The following DHRS7B variants were observed in gnomAD, a reference collection of about 807,000 sequenced individuals.
DHRS7B encodes dehydrogenase/reductase 7B.
In DHRS7B, 24 loss-of-function variants were observed where a neutral mutation model predicts 26.4. The observed-to-expected ratio is 0.91, with a 90% CI of 0.66 to 1.28. The LOEUF (loss-of-function observed/expected upper bound fraction) is 1.28. Ranked by LOEUF, DHRS7B falls within the 50% of genes most tolerant of loss-of-function variation. The probability of loss-of-function intolerance (pLI) is 0.00; values close to 1 mark genes in which losing one functional copy is unlikely to be tolerated. For missense variants in DHRS7B, 368 were observed against 419.4 expected (o/e 0.88, Z 1.07); for synonymous variants, 142 against 166.4 (o/e 0.85, Z 1.13).
intron 1 of DHRS7B, among the ~76,000 whole-genome samples, chr17:21,150,446 G>A (rs958416804): frequency 5.3e-5 from 8 of 152,074 alleles, no homozygotes; most frequent in African/African-American, 9.6e-5. Context: ...GTGAAACCCC[G>A]TCTCTACTAC....
chr17:21,159,929 T>C (rs1479313765), intron 1 of DHRS7B, among the ~76,000 whole-genome samples: 1 of 140,228 alleles, frequency 7.1e-6, no homozygotes, highest in Non-Finnish European at 1.6e-5. Flanking sequence ...AACTCATCAA[T>C]GAAAAATAGG....
intron 1 of DHRS7B, among the ~76,000 whole-genome samples, chr17:21,157,352 A>G (rs1973903935): frequency 6.6e-6 from 1 of 152,266 alleles, no homozygotes; most frequent in Non-Finnish European, 1.5e-5. Context: ...TATGAAAATG[A>G]CCAAGACCAT....
chr17:21,171,901 A>C, intron 1 of DHRS7B, 117 bp from the exon 2 acceptor site: 1 of 1,281,486 alleles, frequency 7.8e-7, no homozygotes, highest in Non-Finnish European at 1.1e-6. Flanking sequence ...GCTAGGGCTT[A>C]GAGCTGGAGT....
chr17:21,188,538 A>AG (rs965674527), intron 5 of DHRS7B, among the ~76,000 whole-genome samples, 173 bp from the exon 6 acceptor site: 3 of 152,234 alleles, frequency 2.0e-5, no homozygotes, highest in African/African-American at 7.2e-5. Flanking sequence ...CAGCTGAGGC[A>AG]GGAGGATCAC....
In DHRS7B at chr17:21,191,133, C is replaced by T. The variant is rs539921759; in HGVS notation, c.958C>T (p.Arg320Trp). The stretch of plus-strand genomic sequence containing the variant: ...CATGGCCTCCAGGGCCAGAAAAGAG[C>T]GGAAATCCAAGAACTCCTAGTACTC... ...SLMASRARKE[R>W]KSKNS The change falls in exon 7 of 7, where the codon CGG becomes TGG. Residue 320 changes from arginine (R) to tryptophan (W), a missense_variant. Arg to Trp is a moderately radical substitution (Grantham distance 101). Transcript: ENST00000395511. The T allele has an allele frequency of 2.1e-5, 34 of 1,613,668 alleles. No homozygotes were observed. The highest frequency in any genetic ancestry group is 1.1e-4 in the East Asian group (5 of 44,882).
At chr17:21,155,613 C>T (rs569822943) in intron 1 of DHRS7B, among the ~76,000 whole-genome samples, 74 of 152,266 alleles carry the variant, frequency 4.9e-4, no homozygotes, top group African/African-American at 1.7e-3. Context: ...AACTCAACAG[C>T]GGTCAATTGG....
At chr17:21,154,056 C>CA (rs1393899494) in intron 1 of DHRS7B, among the ~76,000 whole-genome samples, 2 of 152,146 alleles carry the variant, frequency 1.3e-5, no homozygotes, top group Non-Finnish European at 2.9e-5. Context: ...GCCTGTAAAT[C>CA]CCAGCACTTT....
intron 1 of DHRS7B, among the ~76,000 whole-genome samples, chr17:21,164,395 C>T (rs1379891238): frequency 6.6e-6 from 1 of 152,162 alleles, no homozygotes; most frequent in Non-Finnish European, 1.5e-5. Flanking sequence ...CTAGTTGACG[C>T]TGTAGCATCT....
intron 1 of DHRS7B, among the ~76,000 whole-genome samples, chr17:21,151,197 GTAGGTAGCTTAGAAGTTGCCAC>G (rs1329195389): frequency 6.6e-6 from 1 of 152,148 alleles, no homozygotes; most frequent in Non-Finnish European, 1.5e-5. Context: ...AGTCCAGCAG[GTAGGTAGCTTAGAAGTTGCCAC>G]TTCTAGGCTG....
At chr17:21,175,717 C>T (rs946186498) in intron 2 of DHRS7B, among the ~76,000 whole-genome samples, 7 of 152,026 alleles carry the variant, frequency 4.6e-5, no homozygotes, top group African/African-American at 1.4e-4. Flanking sequence ...GCAGGAGGAT[C>T]GCTTGAGTTC....
chr17:21,174,760 G>A (rs533614108), intron 2 of DHRS7B, among the ~76,000 whole-genome samples: 45 of 152,370 alleles, frequency 3.0e-4, no homozygotes, highest in African/African-American at 9.6e-4. Flanking sequence ...GTCAGGACAA[G>A]ACAAAATGGG....
intron 1 of DHRS7B, among the ~76,000 whole-genome samples, chr17:21,146,729 G>A (rs1973651348): frequency 6.6e-6 from 1 of 152,118 alleles, no homozygotes; most frequent in Non-Finnish European, 1.5e-5. Flanking sequence ...TTATTTTATG[G>A]AAAAAACAAT....
intron 1 of DHRS7B, among the ~76,000 whole-genome samples, chr17:21,145,377 G>C (rs2143956780): frequency 6.6e-6 from 1 of 152,126 alleles, no homozygotes; most frequent in African/African-American, 2.4e-5. Flanking sequence ...ACTTAATGGA[G>C]TGCTTCTCAG....
intron 1 of DHRS7B, among the ~76,000 whole-genome samples, chr17:21,163,645 G>A (rs989346814): frequency 5.3e-5 from 8 of 152,188 alleles, no homozygotes; most frequent in African/African-American, 1.7e-4. Flanking sequence ...GTAATTAAAT[G>A]TTTGTTACTG....
chr17:21,184,129 G>A (rs1974576243), intron 4 of DHRS7B, among the ~76,000 whole-genome samples: 1 of 152,172 alleles, frequency 6.6e-6, no homozygotes, highest in Non-Finnish European at 1.5e-5. Context: ...AAAGGGAACT[G>A]AGCTAACCAT....
chr17:21,131,565 T>A lies in DHRS7B; in HGVS notation c.20+4574T>A, dbSNP rs551551320. Among the ~76,000 whole-genome samples the A allele has an allele frequency of 3.9e-5, 6 of 152,364 alleles. No homozygotes were observed. In the East Asian group the frequency reaches 1.2e-3, roughly 29 times the overall value. On this transcript the variant is annotated intron_variant, in intron 1 of 6. Coordinates refer to ENST00000395511, the MANE Select transcript of DHRS7B (RefSeq NM_015510.5). The stretch of plus-strand genomic sequence containing the variant: ...TCAGCCTGCTTTATCAGCAAGGTCT[T>A]TCTGACCTGTATCTTATGTGACCTC...
chr17:21,187,112 T>TATATATATATATATATAA (rs1283365408), intron 5 of DHRS7B, among the ~76,000 whole-genome samples: 1 of 146,702 alleles, frequency 6.8e-6, no homozygotes. Flanking sequence ...TATATATATA[T>TATATATATATATATATAA]AAAATATATA....
chr17:21,160,576 T>C (rs1305184545), intron 1 of DHRS7B, among the ~76,000 whole-genome samples: 1 of 152,124 alleles, frequency 6.6e-6, no homozygotes, highest in East Asian at 1.9e-4. Flanking sequence ...CATCACCAAA[T>C]GCTAGCAAGG....
rs753268736 is a variant in DHRS7B at position 21,172,394 on chromosome 17, C to T, written c.199+198C>T. 1.1e-4 allele frequency: 39 copies of T among 367,914 alleles called. No homozygotes were observed. In the Middle Eastern group the frequency reaches 3.2e-3, roughly 30 times the overall value. The allele number at this position is 367,914 out of a possible 1,614,324, so 22.8% of individuals were successfully genotyped here. ...CAAGGCACAGTGAGAAATGACTCAG[C>T]GTCAGGGTGGGAGGCAAGTGTGAGA... is the stretch of plus-strand genomic sequence containing the variant. On this transcript the variant is annotated intron_variant, in intron 2 of 6. Transcript: ENST00000395511.
Sources: gnomAD v4.1 joint callset for allele counts (sites outside exome capture counted in the v4.1 genomes callset) on GRCh38, gnomAD v4.1.1 for gene constraint, MANE v1.5 for transcripts, NCBI Gene and HGNC (gene_info 2026-07-23, HGNC 2026-07-21) for gene names.